Variants in CLVS1 observed in about 807,000 individuals in gnomAD.
CLVS1 encodes clavesin 1, also known as clavesin-1.
In CLVS1, 10 loss-of-function variants were observed where a neutral mutation model predicts 33.1. That is an observed-to-expected ratio of 0.30 (90% confidence interval 0.19 to 0.51). The LOEUF (loss-of-function observed/expected upper bound fraction) is 0.51. Ranked by LOEUF, CLVS1 falls within the 20% of genes least tolerant of loss-of-function variation. The pLI, the probability that CLVS1 is intolerant of heterozygous loss-of-function variation, is 0.97. For synonymous variants in CLVS1, 163 were observed against 166.1 expected, an observed-to-expected ratio of 0.98 and a Z score of 0.14; for missense variants, 343 against 433.4, an observed-to-expected ratio of 0.79 and a Z score of 1.85.
chr8:60,988,680 C>T, the CLVS1 span, among the ~76,000 whole-genome samples: 2 of 152,270 alleles, frequency 1.3e-5, no homozygotes, highest in South Asian at 4.1e-4. Flanking sequence ...CAATTTCCAA[C>T]TACTTAAGAA....
intron 3 of CLVS1, among the ~76,000 whole-genome samples, chr8:61,394,467 T>G (rs1375889869): frequency 6.6e-6 from 1 of 151,972 alleles, no homozygotes; most frequent in East Asian, 1.9e-4. Flanking sequence ...CAGGGTTAGG[T>G]GGGTCTGAAC....
At position 61,254,648 on chromosome 8, in the gene CLVS1, A is replaced by G. The variant is rs541961752; in HGVS notation, c.-151-45029A>G. ...GCACCCCTCCCCCAGCCTCACTGCC[A>G]CCTTGCAGTTTGATCTCAGACTGCT... On this transcript the variant is annotated intron_variant, in intron 2 of 2. Transcript: ENST00000522621. 5.3e-5 allele frequency among the ~76,000 whole-genome samples: 8 copies of G among 152,156 alleles called. No individual in the cohort carries two copies. In the South Asian group the frequency reaches 1.5e-3, roughly 28 times the overall value.
intron 5 of CLVS1, chr8:61,465,478 A>T (rs1817514605): frequency 6.6e-6 from 1 of 152,108 alleles, no homozygotes; most frequent in African/African-American, 2.4e-5. Context: ...CTCAACCCTT[A>T]TGTAGAAAAA....
chr8:61,247,960 A>G (rs563693765), intron 2 of CLVS1, among the ~76,000 whole-genome samples: 10 of 152,212 alleles, frequency 6.6e-5, no homozygotes, highest in Admixed American at 2.6e-4. Context: ...TGATTTTTGT[A>G]TATGGTGTAA....
chr8:60,986,258 C>T, the CLVS1 span, among the ~76,000 whole-genome samples: 2 of 152,346 alleles, frequency 1.3e-5, no homozygotes, highest in Admixed American at 1.3e-4. Context: ...ATTTCAGCCA[C>T]AAGCCCATTT....
chr8:61,476,112 T>A (rs534867280), intron 5 of CLVS1, among the ~76,000 whole-genome samples: 2 of 152,224 alleles, frequency 1.3e-5, no homozygotes, highest in Non-Finnish European at 2.9e-5. Context: ...GTTGTAGATA[T>A]GTGACATTAT....
intron 1 of CLVS1, among the ~76,000 whole-genome samples, chr8:61,104,595 A>G (rs143827913): frequency 1.3e-5 from 2 of 152,348 alleles, no homozygotes; most frequent in Non-Finnish European, 2.9e-5. Flanking sequence ...CTTATTTTTT[A>G]TAATACATTT....
chr8:61,157,281 C>T (rs1424869952), intron 2 of CLVS1, among the ~76,000 whole-genome samples: 3 of 151,892 alleles, frequency 2.0e-5, no homozygotes, highest in Non-Finnish European at 4.4e-5. Context: ...TGCACTAAAA[C>T]GATTTACAGG....
chr8:61,453,326 C>T lies in CLVS1; in HGVS notation c.631-815C>T, dbSNP rs544495824. 3.9e-5 allele frequency among the ~76,000 whole-genome samples: 6 copies of T among 152,144 alleles called. No individual in the cohort carries two copies. The East Asian group carries it at 7.7e-4, about 20-fold the overall frequency. The stretch of plus-strand genomic sequence containing the variant: ...CCTGTTCTGTAGATCTAATTAGCAC[C>T]GAGAGCAGCTTCCTAGCATCTAAAA... On this transcript the variant is annotated intron_variant, in intron 3 of 5. Transcript: ENST00000325897.
intron 3 of CLVS1, among the ~76,000 whole-genome samples, chr8:61,449,619 G>A (rs927067495): frequency 1.2e-4 from 18 of 152,174 alleles, no homozygotes; most frequent in African/African-American, 4.3e-4. Context: ...TTGCTAGACT[G>A]CCTGTTACTA....
the CLVS1 span, among the ~76,000 whole-genome samples, chr8:61,045,951 T>G: frequency 6.6e-6 from 1 of 152,358 alleles, no homozygotes; most frequent in African/African-American, 2.4e-5. Flanking sequence ...CTGTACACTC[T>G]GATGGTAGTT....
At chr8:61,049,558 TTGGAAACAAAA>T in the CLVS1 span, among the ~76,000 whole-genome samples, 2 of 152,194 alleles carry the variant, frequency 1.3e-5, no homozygotes, top group Non-Finnish European at 2.9e-5. Flanking sequence ...TGAGGTCCAG[TTGGAAACAAAA>T]TGGTAGTCAA....
intron 2 of CLVS1, among the ~76,000 whole-genome samples, chr8:61,342,957 A>G (rs954554795): frequency 3.3e-5 from 5 of 152,260 alleles, no homozygotes; most frequent in African/African-American, 1.2e-4. Context: ...AAGTAGAGGG[A>G]GAAACATGGA....
Position 61,499,562 on chromosome 8 carries a change from C to T in CLVS1, c.*20C>T. On this transcript the variant is annotated 3_prime_UTR_variant, in exon 6 of 6. Transcript: ENST00000325897. ...GACTGAACCCTGAGTCACCCCAATG[C>T]TCCTGCACACTGGCCTTCAGTGGTA... The T allele has an allele frequency of 6.3e-7, 1 of 1,588,276 alleles. No individual in the cohort carries two copies. The highest frequency in any genetic ancestry group is 8.6e-7 in the Non-Finnish European group (1 of 1,156,758).
intron 2 of CLVS1, among the ~76,000 whole-genome samples, chr8:61,249,512 G>A (rs1041737737): frequency 6.6e-6 from 1 of 152,140 alleles, no homozygotes; most frequent in Non-Finnish European, 1.5e-5. Context: ...TTCCACAATG[G>A]TTGAACTAAT....
chr8:61,032,396 C>T, the CLVS1 span, among the ~76,000 whole-genome samples: 3 of 152,218 alleles, frequency 2.0e-5, no homozygotes, highest in Non-Finnish European at 4.4e-5. Flanking sequence ...TGCCACTTCG[C>T]TATGGTTTTG....
intron 2 of CLVS1, among the ~76,000 whole-genome samples, chr8:61,251,297 C>A (rs1295896210): frequency 2.0e-5 from 3 of 152,166 alleles, no homozygotes; most frequent in African/African-American, 7.2e-5. Flanking sequence ...TTTTGATGTA[C>A]CGCTGGATTT....
chr8:61,490,314 A>C (rs1804025443), intron 5 of CLVS1, among the ~76,000 whole-genome samples: 1 of 149,596 alleles, frequency 6.7e-6, no homozygotes, highest in Admixed American at 6.7e-5. Context: ...CAAAAGCAAA[A>C]CTCCGTCTCA....
intron 1 of CLVS1, among the ~76,000 whole-genome samples, chr8:61,068,434 TG>T (rs933806768): frequency 1.3e-5 from 2 of 151,926 alleles, no homozygotes; most frequent in African/African-American, 4.8e-5. Context: ...GGCACTGTGC[TG>T]GGTGCGTAGG....
Sources: allele counts gnomAD v4.1 joint callset (sites outside exome capture counted in the v4.1 genomes callset), GRCh38; gene constraint gnomAD v4.1.1; transcripts MANE v1.5; gene names NCBI Gene and HGNC (gene_info 2026-07-23, HGNC 2026-07-21).